Variants in SLC39A11 observed in about 807,000 individuals in gnomAD.
SLC39A11 encodes solute carrier family 39 member 11.
A neutral mutation model predicts 36.1 loss-of-function variants in SLC39A11; 33 were observed. That is an observed-to-expected ratio of 0.91 (90% CI 0.69 to 1.22). SLC39A11 has a LOEUF of 1.22. Among genes scored for constraint, SLC39A11 ranks in the 50% most tolerant of loss-of-function variants. The pLI is 0.00. For synonymous variants in SLC39A11, 166 were observed against 170.3 expected (o/e 0.97, Z 0.20); for missense variants, 432 against 430.3 (o/e 1.00, Z -0.03).
At position 72,944,797 on chromosome 17, in the gene SLC39A11, G is replaced by A. The variant is rs144799637; in HGVS notation, c.430+2955C>T. ...AGCATCATGGCCAATAACAAGAATG[G>A]GATGGATCTATGAGCACCTCAGGAA... On this transcript the variant is annotated intron_variant, in intron 5 of 9. Coordinates refer to ENST00000255559, the MANE Select transcript of SLC39A11 (RefSeq NM_139177.4). Among the ~76,000 whole-genome samples, 1,189 of 152,216 alleles carry A rather than the reference G, an allele frequency of 7.8e-3. 20 individuals are homozygous for A. Among genetic ancestry groups the A allele is most frequent in the African/African-American group, 0.027 (1,136 of 41,528 alleles).
chr17:72,754,878 C>A (rs149146248), intron 6 of SLC39A11, among the ~76,000 whole-genome samples: 176 of 152,314 alleles, frequency 1.2e-3, no homozygotes, highest in Non-Finnish European at 1.9e-3. Context: ...AGTGTGCATG[C>A]ACATACACAA....
chr17:72,886,654 A>G (rs2146644118), intron 5 of SLC39A11, among the ~76,000 whole-genome samples: 1 of 152,312 alleles, frequency 6.6e-6, no homozygotes, highest in South Asian at 2.1e-4. Flanking sequence ...GTGTCAGCTC[A>G]TGGAACTCCC....
chr17:72,978,277 A>G (rs1223279066), intron 4 of SLC39A11, among the ~76,000 whole-genome samples: 1 of 151,726 alleles, frequency 6.6e-6, no homozygotes, highest in African/African-American at 2.4e-5. Context: ...TCAGATATTT[A>G]CCGAGCATTG....
rs1277838129 is a variant in SLC39A11, at chr17:72,827,064, C to G, written c.601+22570G>C. Reference sequence around the variant, plus strand: ...TTGTACATGAAAGTACAGAGCAGCACTATTCATAATAGTCCAACAGTAGAT... The same window carrying G: ...TTGTACATGAAAGTACAGAGCAGCAGTATTCATAATAGTCCAACAGTAGAT... On this transcript the variant is annotated intron_variant, in intron 6 of 9. Coordinates refer to ENST00000255559, the MANE Select transcript of SLC39A11 (RefSeq NM_139177.4). 2.0e-5 allele frequency among the ~76,000 whole-genome samples: 3 copies of G among 152,162 alleles called. No individual in the cohort carries two copies. In the East Asian group the frequency reaches 5.8e-4, roughly 29 times the overall value.
intron 4 of SLC39A11, among the ~76,000 whole-genome samples, chr17:72,969,610 TTCTCTCTCTC>T (rs3037588): frequency 6.6e-6 from 1 of 151,036 alleles, no homozygotes; most frequent in Non-Finnish European, 1.5e-5. Context: ...TTCCCCATCT[TTCTCTCTCTC>T]TCTCTCACTC....
At chr17:72,903,683 T>C (rs2082508019) in intron 5 of SLC39A11, among the ~76,000 whole-genome samples, 1 of 151,550 alleles carries the variant, frequency 6.6e-6, no homozygotes. Flanking sequence ...AAGGGGGAGG[T>C]GGAGAGAGAA....
At chr17:72,993,649 T>C (rs1240390491) in intron 4 of SLC39A11, among the ~76,000 whole-genome samples, 1 of 152,218 alleles carries the variant, frequency 6.6e-6, no homozygotes, top group South Asian at 2.1e-4. Context: ...AGTTTCTATA[T>C]ATTCATGAGA....
At chr17:72,773,872 G>A (rs867554899) in intron 6 of SLC39A11, among the ~76,000 whole-genome samples, 6 of 152,166 alleles carry the variant, frequency 3.9e-5, no homozygotes, top group African/African-American at 1.2e-4. Flanking sequence ...GCTGAAGCGC[G>A]AAACACCAAC....
chr17:73,078,492 G>GT (rs200061489), intron 3 of SLC39A11, among the ~76,000 whole-genome samples: 13,398 of 140,384 alleles, frequency 0.095, 728 homozygotes, highest in African/African-American at 0.17. Context: ...TTTGTTTTTT[G>GT]TTGTTTTTTT....
chr17:73,002,686 A>G (rs895458387), intron 4 of SLC39A11, among the ~76,000 whole-genome samples: 2 of 152,260 alleles, frequency 1.3e-5, no homozygotes, highest in African/African-American at 4.8e-5. Flanking sequence ...TGCAGCTGCT[A>G]TAACAAGTTA....
At position 72,846,018 on chromosome 17, in the gene SLC39A11, C is replaced by CTTTTTTTTTTT. The variant is rs569100122; in HGVS notation, c.601+3605_601+3615dup. ...CCAATGAATCTCTCTCTCTCTCTCT[C>CTTTTTTTTTTT]TTTTTTTTTTTTTTTTTTTTTTTTT... is the stretch of plus-strand genomic sequence containing the variant. On this transcript the variant is annotated intron_variant, in intron 6 of 9. Coordinates refer to ENST00000255559, the MANE Select transcript of SLC39A11 (RefSeq NM_139177.4). Among the ~76,000 whole-genome samples the CTTTTTTTTTTT allele has an allele frequency of 7.7e-3, 447 of 57,954 alleles. 85 individuals carry two copies. Among genetic ancestry groups the CTTTTTTTTTTT allele is most frequent in the Middle Eastern group, 0.017 (1 of 60 alleles). 38.0% of individuals were successfully genotyped at this position (57,954 alleles called of 152,430 possible). A position where few individuals can be genotyped will look rare whatever the true frequency, so the allele number is the denominator to read the frequency against.
At chr17:73,038,796 A>AGGGAG (rs1352816827) in intron 3 of SLC39A11, among the ~76,000 whole-genome samples, 1 of 15,522 alleles carries the variant, frequency 6.4e-5, no homozygotes, top group African/African-American at 2.6e-4. Context: ...GGGAGGAGGG[A>AGGGAG]GGGAGGGGAG....
chr17:72,958,476 G>T (rs2086386283), intron 4 of SLC39A11, among the ~76,000 whole-genome samples: 1 of 152,212 alleles, frequency 6.6e-6, no homozygotes, highest in African/African-American at 2.4e-5. Flanking sequence ...CAATATCCAG[G>T]ATCTACAATA....
chr17:73,092,473 C>CAA (rs1257723701), intron 1 of SLC39A11, 138 bp downstream of exon 1: 1 of 94,234 alleles, frequency 1.1e-5, no homozygotes, highest in African/African-American at 4.1e-5. Context: ...CTCCTCCAAA[C>CAA]CCCTCCTCTC....
chr17:72,982,081 A>AT (rs11323990), intron 4 of SLC39A11, among the ~76,000 whole-genome samples: 4 of 150,320 alleles, frequency 2.7e-5, no homozygotes, highest in African/African-American at 7.3e-5. Flanking sequence ...CATCTCTAAA[A>AT]TTTTTTTTTT....
chr17:72,732,040 C>CTTTTCTTTTCTTTTTTTTT (rs1555651341), intron 7 of SLC39A11, among the ~76,000 whole-genome samples: 5 of 33,658 alleles, frequency 1.5e-4, no homozygotes, highest in African/African-American at 4.8e-4. Context: ...CTTTTCTTTT[C>CTTTTCTTTTCTTTTTTTTT]TTTTTTTTTT....
chr17:72,814,298 GAGA>G (rs2077517402), intron 6 of SLC39A11, among the ~76,000 whole-genome samples: 2 of 152,324 alleles, frequency 1.3e-5, no homozygotes, highest in South Asian at 2.1e-4. Flanking sequence ...TGCAGAACTG[GAGA>G]AGGAGTAGTT....
chr17:73,085,073 T>C (rs1264938069), intron 2 of SLC39A11, among the ~76,000 whole-genome samples: 3 of 152,224 alleles, frequency 2.0e-5, no homozygotes, highest in African/African-American at 4.8e-5. Context: ...CAAGTGGTGC[T>C]TGGCTTGTCT....
chr17:72,758,634 GTGGGATGCT>G (rs975305442), intron 6 of SLC39A11, among the ~76,000 whole-genome samples: 1 of 152,178 alleles, frequency 6.6e-6, no homozygotes, highest in African/African-American at 2.4e-5. Flanking sequence ...TGGAACACGG[GTGGGATGCT>G]TGGAACCATG....
Sources: gnomAD v4.1 joint callset for allele counts (sites outside exome capture counted in the v4.1 genomes callset) on GRCh38, gnomAD v4.1.1 for gene constraint, MANE v1.5 for transcripts, NCBI Gene and HGNC (gene_info 2026-07-23, HGNC 2026-07-21) for gene names.